Variants in DNAH6 observed in about 807,000 individuals in gnomAD.
The protein encoded by DNAH6 is dynein axonemal heavy chain 6.
In DNAH6, 340 loss-of-function variants were observed where a neutral mutation model predicts 491.4. The ratio of observed to expected loss-of-function variants is 0.69; its 90% CI spans 0.63 to 0.76. DNAH6 has a LOEUF of 0.76. DNAH6 is among the 30% of genes least tolerant of loss of function. The pLI is 0.00. For synonymous variants in DNAH6, 1,603 were observed against 1,686.1 expected (o/e 0.95, Z 1.21); for missense variants, 4,443 against 4,972.2 (o/e 0.89, Z 3.20).
At chr2:84,772,234 CA>C (rs1399598018) in intron 64 of DNAH6, among the ~76,000 whole-genome samples, 2 of 151,918 alleles carry the variant, frequency 1.3e-5, no homozygotes, top group Non-Finnish European at 2.9e-5. Flanking sequence ...AAGAAATCAG[CA>C]GAGAATCAAA....
intron 49 of DNAH6, among the ~76,000 whole-genome samples, chr2:84,702,548 T>C (rs1221913596): frequency 1.3e-5 from 2 of 150,550 alleles, no homozygotes; most frequent in Non-Finnish European, 1.5e-5. Context: ...CCAGCTTTTT[T>C]TTTTTTTTTT....
At position 84,655,410 on chromosome 2, in the gene DNAH6, T is replaced by G. The variant is rs1328245731; in HGVS notation, c.5757+628T>G. 2.0e-5 allele frequency among the ~76,000 whole-genome samples: 3 copies of G among 152,128 alleles called. No homozygotes were observed. The South Asian group carries it at 6.2e-4, about 32-fold the overall frequency. Reference sequence around the variant, plus strand: ...GCATTCTAACACAGAATTTTCCTCTTTAGCTTAGCTTAACAAGTAGTCCTT... The same window carrying G: ...GCATTCTAACACAGAATTTTCCTCTGTAGCTTAGCTTAACAAGTAGTCCTT... On this transcript the variant is annotated intron_variant, in intron 35 of 76. Transcript: ENST00000389394.
At chr2:84,565,681 G>A (rs184796714) in intron 11 of DNAH6, among the ~76,000 whole-genome samples, 8 of 152,026 alleles carry the variant, frequency 5.3e-5, no homozygotes, top group East Asian at 3.9e-4. Context: ...GTTAGTGGGC[G>A]TGTTCAAGTA....
At chr2:84,640,395 A>C (rs1689277235) in intron 31 of DNAH6, 35 bp from the exon 32 acceptor site, 1 of 1,308,760 alleles carries the variant, frequency 7.6e-7, no homozygotes, top group African/African-American at 1.5e-5. Context: ...TATCAATACA[A>C]TATAATAAGC....
chr2:84,625,361 A>G (rs778204423), intron 29 of DNAH6, among the ~76,000 whole-genome samples: 31 of 152,228 alleles, frequency 2.0e-4, no homozygotes, highest in Non-Finnish European at 4.4e-4. Flanking sequence ...ATAGAATAGC[A>G]GGGAAACCGA....
chr2:84,640,628 T>C, intron 32 of DNAH6, 50 bp downstream of exon 32: 1 of 1,500,752 alleles, frequency 6.7e-7, no homozygotes, highest in African/African-American at 1.4e-5. Flanking sequence ...TGTGATCAAA[T>C]GCATTAAATG....
chr2:84,653,957 C>A (rs916958729), intron 34 of DNAH6, 83 bp downstream of exon 34: 54 of 1,086,944 alleles, frequency 5.0e-5, no homozygotes, highest in Non-Finnish European at 3.9e-5. Flanking sequence ...ACTGATGTAG[C>A]CTTTACTATC....
intron 30 of DNAH6, among the ~76,000 whole-genome samples, chr2:84,636,584 T>G (rs898335297): frequency 6.6e-6 from 1 of 152,112 alleles, no homozygotes; most frequent in African/African-American, 2.4e-5. Flanking sequence ...CAACAAGTGT[T>G]TGCTGTTAAG....
At chr2:84,789,017 A>G (rs1307323929) in intron 68 of DNAH6, among the ~76,000 whole-genome samples, 1 of 152,228 alleles carries the variant, frequency 6.6e-6, no homozygotes, top group African/African-American at 2.4e-5. Flanking sequence ...AAATTGAAGC[A>G]GAACAAGCAT....
intron 62 of DNAH6, among the ~76,000 whole-genome samples, chr2:84,742,765 C>T (rs1057421983): frequency 2.0e-5 from 3 of 151,812 alleles, no homozygotes; most frequent in African/African-American, 4.8e-5. Flanking sequence ...CTTTATTTTC[C>T]CCTCTACTGA....
intron 60 of DNAH6, among the ~76,000 whole-genome samples, chr2:84,725,462 T>A (rs1207815213): frequency 1.3e-5 from 2 of 152,206 alleles, no homozygotes; most frequent in Non-Finnish European, 2.9e-5. Context: ...GGTTCTTATA[T>A]CTCTGCTCCC....
chr2:84,622,394 A>G (rs1212220464), intron 26 of DNAH6, among the ~76,000 whole-genome samples: 1 of 152,072 alleles, frequency 6.6e-6, no homozygotes, highest in Non-Finnish European at 1.5e-5. Flanking sequence ...CAGGGATGCG[A>G]TCATAGCACA....
Position 84,652,616 on chromosome 2 carries a change from C to T in DNAH6, c.5079-703C>T, listed in dbSNP as rs997318698. Among the ~76,000 whole-genome samples the T allele has an allele frequency of 3.9e-5, 6 of 151,968 alleles. No individual in the cohort carries two copies. The East Asian group carries it at 5.8e-4, about 15-fold the overall frequency. ...GATTTCCTGCCTTTCTTAGAAAGAC[C>T]GCCTTACCACAATGTTGCAAAATTT... is the stretch of plus-strand genomic sequence containing the variant. On this transcript the variant is annotated intron_variant, in intron 33 of 76. Coordinates refer to ENST00000389394, the MANE Select transcript of DNAH6 (RefSeq NM_001370.2).
At position 84,752,355 on chromosome 2, in the gene DNAH6, T is replaced by C. The variant is rs1673547137; in HGVS notation, c.10512+7106T>C. ...ACTTGCTAAGTAAGAAAGATCTCTATATCATACAGATTAAGCAAGAGTTAC... is the reference window on the plus strand; with the variant it reads ...ACTTGCTAAGTAAGAAAGATCTCTACATCATACAGATTAAGCAAGAGTTAC... On this transcript the variant is annotated intron_variant, in intron 63 of 76. Transcript: ENST00000389394. Among the ~76,000 whole-genome samples, 7 of 152,352 alleles carry C rather than the reference T, an allele frequency of 4.6e-5. 1 individual carries two copies. In the South Asian group the frequency reaches 1.4e-3, roughly 32 times the overall value.
At chr2:84,595,225 A>C (rs1684467417) in intron 17 of DNAH6, among the ~76,000 whole-genome samples, 2 of 152,244 alleles carry the variant, frequency 1.3e-5, no homozygotes, top group Admixed American at 1.3e-4. Context: ...CATAATTGAG[A>C]AAAACAATTA....
At position 84,699,579 on chromosome 2, in the gene DNAH6, C is replaced by T; in HGVS notation, c.7678-15C>T. ...TCATTATTTTAAACTGAAAAAATAA[C>T]TTTCTTTTTGTCAGGTGTTTCAATA... On this transcript the variant is annotated splice_polypyrimidine_tract_variant and intron_variant, in intron 47 of 76. Transcript: ENST00000389394. The T allele has an allele frequency of 1.3e-6, 2 of 1,542,320 alleles. No homozygotes were observed. Among genetic ancestry groups the T allele is most frequent in the Admixed American group, 2.0e-5 (1 of 49,610 alleles).
chr2:84,719,301 GT>G (rs1341400336), intron 59 of DNAH6, among the ~76,000 whole-genome samples: 1 of 151,856 alleles, frequency 6.6e-6, no homozygotes, highest in East Asian at 1.9e-4. Context: ...TCTTCCTTGG[GT>G]TTTTTATTTT....
intron 63 of DNAH6, among the ~76,000 whole-genome samples, chr2:84,745,665 CAAA>C (rs34589141): frequency 9.7e-5 from 6 of 61,904 alleles, no homozygotes; most frequent in Non-Finnish European, 1.0e-4. Context: ...GACACTGTCT[CAAA>C]AAAAAAAAAA....
the DNAH6 span, among the ~76,000 whole-genome samples, chr2:84,500,037 G>A: frequency 6.6e-6 from 1 of 152,044 alleles, no homozygotes; most frequent in Non-Finnish European, 1.5e-5. Flanking sequence ...AACTTGATGT[G>A]ATCCCATTTG....
Sources: gnomAD v4.1 joint callset for allele counts (sites outside exome capture counted in the v4.1 genomes callset) on GRCh38, gnomAD v4.1.1 for gene constraint, MANE v1.5 for transcripts, NCBI Gene and HGNC (gene_info 2026-07-23, HGNC 2026-07-21) for gene names.